Variants in TRDN observed in about 807,000 individuals in gnomAD.
TRDN encodes the protein triadin in skeletal muscle.
A neutral mutation model predicts 149.7 loss-of-function variants in TRDN; 161 were observed. The ratio of observed to expected loss-of-function variants is 1.08; its 90% CI spans 0.95 to 1.23. The LOEUF is 1.23. TRDN is among the 50% of genes most tolerant of loss of function. The pLI is 0.00. For synonymous variants in TRDN, 294 were observed against 250.5 expected, an observed-to-expected ratio of 1.17 and a Z score of -1.64; for missense variants, 896 against 823.5, an observed-to-expected ratio of 1.09 and a Z score of -1.08.
intron 12 of TRDN, among the ~76,000 whole-genome samples, chr6:123,406,432 C>A (rs569710110): frequency 1.3e-5 from 2 of 152,154 alleles, no homozygotes; most frequent in East Asian, 3.9e-4. Flanking sequence ...GCATTCTGAC[C>A]CTAGCCCAGC....
At chr6:123,256,571 T>C (rs954947063) in intron 35 of TRDN, among the ~76,000 whole-genome samples, 1 of 152,222 alleles carries the variant, frequency 6.6e-6, no homozygotes, top group African/African-American at 2.4e-5. Flanking sequence ...TGCATTTCTC[T>C]AGTGACTGGT....
At chr6:123,523,268 G>A (rs1413890404) in intron 5 of TRDN, among the ~76,000 whole-genome samples, 1 of 152,196 alleles carries the variant, frequency 6.6e-6, no homozygotes, top group East Asian at 1.9e-4. Context: ...ACAGTTATGA[G>A]ACAGTGACAA....
intron 1 of TRDN, among the ~76,000 whole-genome samples, chr6:123,632,152 TG>T (rs748492247): frequency 1.3e-5 from 2 of 152,252 alleles, no homozygotes. Context: ...TTCTTGTTCT[TG>T]TTCCCAGGAA....
chr6:123,510,314 T>G (rs1176069923), intron 7 of TRDN: 3 of 152,056 alleles, frequency 2.0e-5, no homozygotes, highest in Non-Finnish European at 4.4e-5. Flanking sequence ...GTAGCTAAAC[T>G]AAATCTTAAA....
chr6:123,552,073 A>G (rs988042415), intron 2 of TRDN, among the ~76,000 whole-genome samples: 2 of 152,140 alleles, frequency 1.3e-5, no homozygotes, highest in East Asian at 1.9e-4. Flanking sequence ...GAAGTATCCA[A>G]TGTTGAAATC....
Position 123,273,134 on chromosome 6 carries a change from T to C in TRDN, c.1625-123A>G, listed in dbSNP as rs148505910. ...GAAATCTTCATATCATCCTTGTTTC[T>C]ATGTAAAACTTAAAGGTTTTAGTTC... On this transcript the variant is annotated intron_variant, in intron 28 of 40. Coordinates refer to ENST00000334268, the MANE Select transcript of TRDN (RefSeq NM_006073.4). 681 of 747,124 alleles carry C rather than the reference T, an allele frequency of 9.1e-4. 3 individuals are homozygous for C. The African/African-American group carries it at 0.01, about 11-fold the overall frequency. The allele number at this position is 747,124 out of a possible 1,614,324, so 46.3% of individuals were successfully genotyped here.
At chr6:123,351,053 T>C in intron 21 of TRDN, 4 of 849,772 alleles carry the variant, frequency 4.7e-6, no homozygotes, top group Non-Finnish European at 5.2e-6. Context: ...GTGTTTTATA[T>C]CTAGTCAATC....
intron 38 of TRDN, among the ~76,000 whole-genome samples, chr6:123,229,634 G>T (rs1173596748): frequency 4.0e-5 from 6 of 151,888 alleles, no homozygotes; most frequent in Non-Finnish European, 8.8e-5. Context: ...CATCTCTTTG[G>T]AGTCAAGGGT....
At chr6:123,589,664 C>G (rs1332439544) in intron 1 of TRDN, among the ~76,000 whole-genome samples, 1 of 152,138 alleles carries the variant, frequency 6.6e-6, no homozygotes, top group Non-Finnish European at 1.5e-5. Flanking sequence ...ACTATTGTGT[C>G]ACAGTAGATT....
chr6:123,235,081 C>A (rs1775736638), intron 38 of TRDN, among the ~76,000 whole-genome samples: 1 of 151,936 alleles, frequency 6.6e-6, no homozygotes, highest in Admixed American at 6.6e-5. Context: ...ATATTTATAA[C>A]CAATTAGATG....
chr6:123,274,166 T>C (rs1284534119), intron 27 of TRDN, among the ~76,000 whole-genome samples: 1 of 152,126 alleles, frequency 6.6e-6, no homozygotes, highest in Non-Finnish European at 1.5e-5. Context: ...CATAATGATA[T>C]GATGAAAGTA....
intron 9 of TRDN, among the ~76,000 whole-genome samples, chr6:123,496,499 C>G (rs1044596788): frequency 3.9e-5 from 6 of 152,012 alleles, no homozygotes; most frequent in Non-Finnish European, 5.9e-5. Context: ...AAAGTTTTCC[C>G]AAACATGAAC....
Position 123,516,172 on chromosome 6 carries a change from T to G in TRDN, c.519A>C (p.Lys173Asn). Residue 173 changes from lysine (K) to asparagine (N), a missense_variant, in exon 6 of 41, where the codon AAA becomes AAC. By Grantham distance (94) the Lys-to-Asn change is moderately conservative. Coordinates refer to ENST00000334268, the MANE Select transcript of TRDN (RefSeq NM_006073.4). ...TTTCAGGTTTTTCTTTTTCTCTTACTTTTTCTTTTCCTTTTTCTTTTTCTT... is the reference window on the plus strand; with the variant it reads ...TTTCAGGTTTTTCTTTTTCTCTTACGTTTTCTTTTCCTTTTTCTTTTTCTT... ...THKEKEKGKE[K>N]VREKEKPEKK... The G allele has an allele frequency of 6.7e-7, 1 of 1,491,230 alleles. No homozygotes were observed. Among genetic ancestry groups the G allele is most frequent in the East Asian group, 2.6e-5 (1 of 38,188 alleles). The allele number at this position is 1,491,230 out of a possible 1,614,324, so 92.4% of individuals were successfully genotyped here. A position where few individuals can be genotyped will look rare whatever the true frequency, so the allele number is the denominator to read the frequency against.
intron 24 of TRDN, among the ~76,000 whole-genome samples, chr6:123,296,615 T>A (rs970021406): frequency 1.3e-5 from 2 of 152,184 alleles, no homozygotes; most frequent in Non-Finnish European, 2.9e-5. Flanking sequence ...CTGAGCTGTG[T>A]ATGAATTAGA....
At chr6:123,254,932 G>C (rs1189274784) in intron 37 of TRDN, 149 bp downstream of exon 37, 1 of 591,918 alleles carries the variant, frequency 1.7e-6, no homozygotes, top group South Asian at 1.7e-5. Context: ...CTTTCTGCTA[G>C]ATTTTCTACC....
At chr6:123,537,820 G>A (rs1037798472) in intron 4 of TRDN, among the ~76,000 whole-genome samples, 3 of 152,060 alleles carry the variant, frequency 2.0e-5, no homozygotes, top group Non-Finnish European at 4.4e-5. Context: ...TTGTAGTGAC[G>A]TATTTCTAAA....
chr6:123,279,464 T>G (rs980777306), intron 24 of TRDN, among the ~76,000 whole-genome samples: 2 of 152,152 alleles, frequency 1.3e-5, no homozygotes, highest in Non-Finnish European at 2.9e-5. Context: ...GCTCTATTCA[T>G]AGTCAGTTTT....
intron 9 of TRDN, among the ~76,000 whole-genome samples, chr6:123,495,104 T>C (rs34957028): frequency 0.14 from 21,687 of 151,984 alleles, 1,637 homozygotes; most frequent in South Asian, 0.22. Context: ...TGGAATGTGA[T>C]AGTGCCATCA....
rs1301786077 is a variant in TRDN, at chr6:123,366,116, A to G, written c.1321+19T>C. On this transcript the variant is annotated intron_variant, in intron 20 of 40. Coordinates refer to ENST00000334268, the MANE Select transcript of TRDN (RefSeq NM_006073.4). ...AATAACTTATAGTTATGACATCTTTATCTTTAAGCTGCATTTACCTTTTTT... is the reference window on the plus strand; with the variant it reads ...AATAACTTATAGTTATGACATCTTTGTCTTTAAGCTGCATTTACCTTTTTT... 3.1e-6 allele frequency: 5 copies of G among 1,603,430 alleles called. No homozygotes were observed. In the South Asian group the frequency reaches 5.5e-5, roughly 18 times the overall value.
Sources: gnomAD v4.1 joint callset for allele counts (sites outside exome capture counted in the v4.1 genomes callset) on GRCh38, gnomAD v4.1.1 for gene constraint, MANE v1.5 for transcripts, NCBI Gene and HGNC (gene_info 2026-07-23, HGNC 2026-07-21) for gene names.